KAZN: variants seen among roughly 807,000 people sequenced by gnomAD.
KAZN encodes the protein kazrin, periplakin interacting protein.
A neutral mutation model predicts 87.4 loss-of-function variants in KAZN; 40 were observed. That is an observed-to-expected ratio of 0.46 (90% CI 0.36 to 0.60). KAZN has a LOEUF of 0.60. Among genes scored for constraint, KAZN ranks in the 20% least tolerant of loss-of-function variants. The pLI is 0.00. For missense variants in KAZN, 898 were observed against 1,073.9 expected (o/e 0.84, Z 2.29); for synonymous variants, 466 against 458.3 (o/e 1.02, Z -0.22).
chr1:15,015,417 T>C (rs563151863), intron 2 of KAZN, among the ~76,000 whole-genome samples: 1 of 152,194 alleles, frequency 6.6e-6, no homozygotes, highest in South Asian at 2.1e-4. Context: ...TCCCAAAGTG[T>C]TGGGATTATA....
chr1:14,590,044 A>G (rs183149354), intron 2 of KAZN, among the ~76,000 whole-genome samples: 1 of 152,230 alleles, frequency 6.6e-6, no homozygotes, highest in East Asian at 1.9e-4. Flanking sequence ...CCTGAGTTTC[A>G]TCTTATGAAA....
Position 14,477,410 on chromosome 1 carries a change from C to T in KAZN, c.250-121573C>T, listed in dbSNP as rs529146210. On this transcript the variant is annotated intron_variant, in intron 2 of 16. Transcript: ENST00000636203. ...CATGAAAACAGACTAATATACACTC[C>T]CAGGTAATTCATTCCCTCTCTCTCT... Among the ~76,000 whole-genome samples the T allele has an allele frequency of 8.0e-5, 12 of 150,840 alleles. No homozygotes were observed. The South Asian group carries it at 2.5e-3, about 32-fold the overall frequency.
chr1:14,987,207 T>C (rs892744402), intron 2 of KAZN, among the ~76,000 whole-genome samples: 14 of 152,242 alleles, frequency 9.2e-5, no homozygotes, highest in African/African-American at 2.9e-4. Context: ...AAAGAAGTTC[T>C]CTCTGGGCCG....
rs193003279 is a variant in KAZN, at chr1:15,012,789, G to C, written c.419-21960G>C. Reference sequence around the variant, plus strand: ...ATACAAAAATTAGCCGGGCGTGGTGGTGCACACCTGTAGTCCCAGCTACTC... The same window carrying C: ...ATACAAAAATTAGCCGGGCGTGGTGCTGCACACCTGTAGTCCCAGCTACTC... On this transcript the variant is annotated intron_variant, in intron 2 of 14. Coordinates refer to ENST00000376030, the MANE Select transcript of KAZN (RefSeq NM_201628.3). 1.2e-3 allele frequency among the ~76,000 whole-genome samples: 190 copies of C among 152,282 alleles called. 2 individuals are homozygous for C. The highest frequency in any genetic ancestry group is 0.012 in the South Asian group (58 of 4,826).
intron 2 of KAZN, among the ~76,000 whole-genome samples, chr1:14,233,591 T>A (rs891143904): frequency 9.2e-5 from 14 of 152,174 alleles, no homozygotes; most frequent in Non-Finnish European, 2.1e-4. Context: ...ATCAGCTGAC[T>A]CTCTGCTTTC....
intron 2 of KAZN, among the ~76,000 whole-genome samples, chr1:14,969,129 T>C (rs564921464): frequency 2.2e-4 from 33 of 152,182 alleles, no homozygotes; most frequent in African/African-American, 7.5e-4. Context: ...CTGCAGACAG[T>C]GGGGTAGTAG....
intron 2 of KAZN, among the ~76,000 whole-genome samples, chr1:14,187,239 G>C (rs576607173): frequency 6.6e-6 from 1 of 152,048 alleles, no homozygotes; most frequent in Admixed American, 6.5e-5. Flanking sequence ...AGATAGAAAG[G>C]GGGTATGTAA....
chr1:15,011,925 G>A (rs114307174), intron 2 of KAZN, among the ~76,000 whole-genome samples: 2,774 of 152,174 alleles, frequency 0.018, 85 homozygotes, highest in African/African-American at 0.062. Flanking sequence ...CCCCTCCTCT[G>A]TGTGAATGAG....
chr1:15,015,186 C>G (rs1206894984), intron 2 of KAZN, among the ~76,000 whole-genome samples: 1 of 151,732 alleles, frequency 6.6e-6, no homozygotes, highest in Non-Finnish European at 1.5e-5. Flanking sequence ...CGGAGTCTCA[C>G]TCTGTTGCCA....
chr1:14,372,164 TTGTTAAC>T (rs1305873599), intron 2 of KAZN, among the ~76,000 whole-genome samples: 1 of 152,204 alleles, frequency 6.6e-6, no homozygotes, highest in African/African-American at 2.4e-5. Context: ...GTATCAAAGA[TTGTTAAC>T]TGTTTACTGT....
intron 2 of KAZN, among the ~76,000 whole-genome samples, chr1:14,224,939 G>A (rs1208866845): frequency 6.6e-6 from 1 of 152,118 alleles, no homozygotes; most frequent in Non-Finnish European, 1.5e-5. Context: ...TACAGAGAAA[G>A]TAATTTATCT....
At chr1:14,083,046 G>T (rs1643739703) in intron 1 of KAZN, among the ~76,000 whole-genome samples, 1 of 152,150 alleles carries the variant, frequency 6.6e-6, no homozygotes, top group African/African-American at 2.4e-5. Context: ...CAAAAAATTA[G>T]CCGGGTGTGG....
At chr1:14,372,021 C>T (rs1660527369) in intron 2 of KAZN, among the ~76,000 whole-genome samples, 1 of 151,276 alleles carries the variant, frequency 6.6e-6, no homozygotes, top group Non-Finnish European at 1.5e-5. Flanking sequence ...TGTGAATAGT[C>T]GTCATCTCAT....
At chr1:14,041,578 A>T (rs1641839999) in intron 1 of KAZN, among the ~76,000 whole-genome samples, 1 of 151,958 alleles carries the variant, frequency 6.6e-6, no homozygotes, top group Non-Finnish European at 1.5e-5. Context: ...GCCCTCCCTT[A>T]TGCTCCCTTT....
At chr1:14,043,152 G>A (rs901600605) in intron 1 of KAZN, among the ~76,000 whole-genome samples, 1 of 152,100 alleles carries the variant, frequency 6.6e-6, no homozygotes, top group African/African-American at 2.4e-5. Context: ...CTTTATATAT[G>A]TGGAATCGTA....
intron 2 of KAZN, among the ~76,000 whole-genome samples, chr1:14,458,969 C>A (rs2480045): frequency 0.062 from 9,380 of 152,124 alleles, 645 homozygotes; most frequent in African/African-American, 0.17. Context: ...GAAAAAATCT[C>A]AACTTGAAGA....
chr1:14,465,091 C>A (rs1668046607), intron 2 of KAZN, among the ~76,000 whole-genome samples: 1 of 152,004 alleles, frequency 6.6e-6, no homozygotes, highest in Non-Finnish European at 1.5e-5. Context: ...AATGAGCTGG[C>A]ACGGATGGTC....
Position 15,060,246 on chromosome 1 carries a change from T to C in KAZN, c.991T>C (p.Ser331Pro), listed in dbSNP as rs541142464. Reference protein sequence around the residue: ...SDASAAEGDRSSTPSDINSPR... With the variant: ...SDASAAEGDRPSTPSDINSPR... Reference sequence around the variant, plus strand: ...CGCATCTGCCGCCGAAGGCGACCGGTCGTCCACACCGAGCGACATCAACTC... The same window carrying C: ...CGCATCTGCCGCCGAAGGCGACCGGCCGTCCACACCGAGCGACATCAACTC... The change falls in exon 6 of 15, where the codon TCG (serine) becomes CCG (proline). Residue 331 changes from serine (S) to proline (P), a missense_variant. Transcript: ENST00000376030. The C allele has an allele frequency of 3.1e-6, 5 of 1,614,170 alleles. No individual in the cohort carries two copies. In the South Asian group the frequency reaches 3.3e-5, roughly 11 times the overall value.
At chr1:14,878,310 G>T (rs746706034) in intron 1 of KAZN, among the ~76,000 whole-genome samples, 28 of 151,950 alleles carry the variant, frequency 1.8e-4, no homozygotes, top group Non-Finnish European at 3.8e-4. Context: ...AGTTCTTTGG[G>T]GGGGTGGCTG....
Sources: allele counts gnomAD v4.1 joint callset (sites outside exome capture counted in the v4.1 genomes callset), GRCh38; gene constraint gnomAD v4.1.1; transcripts MANE v1.5; gene names NCBI Gene and HGNC (gene_info 2026-07-23, HGNC 2026-07-21).